Variants in UBR1 observed in about 807,000 individuals in gnomAD.
UBR1 encodes the protein ubiquitin protein ligase E3 component n-recognin 1, also known as E3 ubiquitin-protein ligase UBR1.
In UBR1, 102 loss-of-function variants were observed where a neutral mutation model predicts 242.1. That is an observed-to-expected ratio of 0.42 (90% CI 0.36 to 0.50). The LOEUF is 0.50. Among genes scored for constraint, UBR1 ranks in the 20% least tolerant of loss-of-function variants. The probability of loss-of-function intolerance (pLI) is 0.01; values close to 1 mark genes in which losing one functional copy is unlikely to be tolerated. For synonymous variants in UBR1, 675 were observed against 684.8 expected, an observed-to-expected ratio of 0.99 and a Z score of 0.22; for missense variants, 1,772 against 2,101.8, an observed-to-expected ratio of 0.84 and a Z score of 3.07.
chr15:43,023,361 G>GT (rs1445187539), intron 25 of UBR1, among the ~76,000 whole-genome samples: 1 of 151,906 alleles, frequency 6.6e-6, no homozygotes, highest in Non-Finnish European at 1.5e-5. Context: ...GGAGGTTTGG[G>GT]TGGGTGGATC....
chr15:43,014,973 T>TG (rs1184228177), intron 29 of UBR1, among the ~76,000 whole-genome samples: 2 of 134,296 alleles, frequency 1.5e-5, no homozygotes, highest in Non-Finnish European at 3.2e-5. Flanking sequence ...GGGAGGGAGG[T>TG]GGGGGGTCAG....
chr15:43,061,426 G>A (rs377355871), intron 6 of UBR1, among the ~76,000 whole-genome samples: 22 of 152,246 alleles, frequency 1.4e-4, no homozygotes, highest in South Asian at 4.1e-4. Flanking sequence ...ACTTGCACAC[G>A]CATGTTTATG....
chr15:43,057,321 C>G (rs920828790), intron 10 of UBR1, among the ~76,000 whole-genome samples: 2 of 152,162 alleles, frequency 1.3e-5, no homozygotes, highest in African/African-American at 4.8e-5. Context: ...TCTTATCCCA[C>G]AGTGTCATTT....
In UBR1 at chr15:43,068,046, A is replaced by G; in HGVS notation, c.660-10T>C. 6.3e-7 allele frequency: 1 copy of G among 1,597,292 alleles called. No individual in the cohort carries two copies. The highest frequency in any genetic ancestry group is 8.6e-7 in the Non-Finnish European group (1 of 1,167,066). ...TCTTTCATTTTTCTCCCTGTTAGAA[A>G]AAAAACATATATATTTGGATACTAC... On this transcript the variant is annotated splice_polypyrimidine_tract_variant and intron_variant, in intron 5 of 46. Coordinates refer to ENST00000290650, the MANE Select transcript of UBR1 (RefSeq NM_174916.3).
At chr15:43,019,618 T>C (rs1287680402) in intron 27 of UBR1, among the ~76,000 whole-genome samples, 2 of 148,980 alleles carry the variant, frequency 1.3e-5, no homozygotes, top group African/African-American at 5.0e-5. Flanking sequence ...AGTTTCACTC[T>C]GTCGCCCAGG....
chr15:43,026,479 T>A lies in UBR1; in HGVS notation c.2535+82A>T, dbSNP rs973059131. ...ATTAATAAGAACCAGCGTGAAACTA[T>A]AGAAAAAGCAGAAAATTTTCTGTGG... On this transcript the variant is annotated intron_variant, in intron 23 of 46. Coordinates refer to ENST00000290650, the MANE Select transcript of UBR1 (RefSeq NM_174916.3). 5 of 1,205,154 alleles carry A rather than the reference T, an allele frequency of 4.1e-6. No individual in the cohort carries two copies. The African/African-American group carries it at 6.0e-5, about 14-fold the overall frequency. The allele number at this position is 1,205,154 out of a possible 1,614,324, so 74.7% of individuals were successfully genotyped here.
At chr15:43,030,254 CTG>C (rs1393805281) in intron 20 of UBR1, among the ~76,000 whole-genome samples, 186 bp from the exon 21 acceptor site, 1 of 152,198 alleles carries the variant, frequency 6.6e-6, no homozygotes, top group East Asian at 1.9e-4. Flanking sequence ...AGGCAGAAAA[CTG>C]TGACCTGAAG....
At chr15:43,034,621 G>A (rs943007159) in intron 19 of UBR1, among the ~76,000 whole-genome samples, 7 of 151,978 alleles carry the variant, frequency 4.6e-5, no homozygotes. Flanking sequence ...TGTTGGCCAG[G>A]CACGGTGGCT....
At chr15:43,021,216 A>C (rs2033106380) in intron 27 of UBR1, 59 bp downstream of exon 27, 1 of 1,430,528 alleles carries the variant, frequency 7.0e-7, no homozygotes. Flanking sequence ...CACTGGAGGC[A>C]AGCAGAGAAT....
In UBR1 at chr15:43,056,348, G is replaced by T; in HGVS notation, c.1277C>A (p.Thr426Asn). The change falls in exon 11 of 47, where the codon ACT (threonine) becomes AAT (asparagine). Residue 426 changes from threonine to asparagine, a missense_variant. This residue lies in a region of UBR1 where 734 missense variants were observed against 893.3 expected (regional missense o/e 0.82). Coordinates refer to ENST00000290650, the MANE Select transcript of UBR1 (RefSeq NM_174916.3). ...AAAGGAATAATCAATACATACCAGA[G>T]TAGGAACAGTAAACATCTGAACTGA... The part of the protein sequence containing the change: ...ALSVQMFTVP[T>N]LARHLIEEQN... The T allele has an allele frequency of 1.2e-6, 2 of 1,604,352 alleles. No homozygotes were observed. The highest frequency in any genetic ancestry group is 1.7e-6 in the Non-Finnish European group (2 of 1,171,132).
chr15:43,045,760 T>A (rs1275685541), intron 14 of UBR1, among the ~76,000 whole-genome samples: 1 of 152,180 alleles, frequency 6.6e-6, no homozygotes, highest in Non-Finnish European at 1.5e-5. Flanking sequence ...TGAAAACATA[T>A]TTCTGTAAGA....
intron 5 of UBR1, among the ~76,000 whole-genome samples, chr15:43,068,625 G>C (rs1339701513): frequency 6.7e-6 from 1 of 150,316 alleles, no homozygotes; most frequent in Non-Finnish European, 1.5e-5. Flanking sequence ...TTTGGGTTTT[G>C]TTTTGTTTTG....
chr15:43,086,376 A>G (rs2034036278), intron 1 of UBR1, 136 bp from the exon 2 acceptor site: 24 of 1,017,220 alleles, frequency 2.4e-5, no homozygotes, highest in Non-Finnish European at 3.2e-5. Flanking sequence ...ACAGAAGGAA[A>G]GTGGGTGATT....
In UBR1 at chr15:43,083,605, C is replaced by T. The variant is rs1464127510; in HGVS notation, c.339-889G>A. On this transcript the variant is annotated intron_variant, in intron 2 of 46. Coordinates refer to ENST00000290650, the MANE Select transcript of UBR1 (RefSeq NM_174916.3). ...CCATGCTCGCCAGGCTGGTCTCGAA[C>T]TCCTGACCTCAAGTGATCTGCCCAC... Among the ~76,000 whole-genome samples the T allele has an allele frequency of 2.0e-5, 3 of 151,942 alleles. No individual in the cohort carries two copies. In the South Asian group the frequency reaches 6.2e-4, roughly 32 times the overall value.
chr15:42,948,694 C>A (rs2031778328), intron 46 of UBR1, among the ~76,000 whole-genome samples: 1 of 152,176 alleles, frequency 6.6e-6, no homozygotes, highest in Non-Finnish European at 1.5e-5. Flanking sequence ...CTCACCATCA[C>A]TGGCCATCAG....
chr15:42,981,168 G>T (rs1231782780), intron 37 of UBR1, among the ~76,000 whole-genome samples: 1 of 151,692 alleles, frequency 6.6e-6, no homozygotes, highest in Non-Finnish European at 1.5e-5. Flanking sequence ...TGTCCACAAC[G>T]TTTCAAAAAA....
chr15:42,952,928 TTTTC>T (rs1489871402), intron 44 of UBR1, among the ~76,000 whole-genome samples: 4 of 151,984 alleles, frequency 2.6e-5, no homozygotes, highest in Non-Finnish European at 4.4e-5. Flanking sequence ...ATTTCTTTTC[TTTTC>T]TTTTTTTTTT....
At chr15:43,080,477 T>C (rs190601309) in intron 3 of UBR1, among the ~76,000 whole-genome samples, 7 of 152,312 alleles carry the variant, frequency 4.6e-5, no homozygotes, top group South Asian at 4.1e-4. Context: ...CTTTTCAGAA[T>C]TGTTGCTTTC....
intron 33 of UBR1, among the ~76,000 whole-genome samples, chr15:42,995,951 C>G (rs969699921): frequency 4.6e-5 from 7 of 152,218 alleles, no homozygotes; most frequent in African/African-American, 1.2e-4. Context: ...GCCCCATATT[C>G]TCCACTGTTC....
Sources: allele counts gnomAD v4.1 joint callset (sites outside exome capture counted in the v4.1 genomes callset), GRCh38; gene constraint gnomAD v4.1.1; regional missense constraint gnomAD v4.1.1; transcripts MANE v1.5; gene names NCBI Gene and HGNC (gene_info 2026-07-23, HGNC 2026-07-21).